OGN: variants seen among roughly 807,000 people sequenced by gnomAD.
The protein encoded by OGN is mimecan.
OGN carries 19 observed loss-of-function variants against 30.8 expected under a neutral mutation model. That is an observed-to-expected ratio of 0.62 (90% CI 0.43 to 0.90). The LOEUF is 0.90. Ranked by LOEUF, OGN falls within the 40% of genes least tolerant of loss-of-function variation. OGN has a pLI of 0.00. For missense variants in OGN, 283 were observed against 349.7 expected (o/e 0.81, Z 1.52); for synonymous variants, 126 against 128.3 (o/e 0.98, Z 0.12).
chr9:92,387,075 AGAAAT>A (rs1842460041), intron 5 of OGN, among the ~76,000 whole-genome samples: 1 of 148,720 alleles, frequency 6.7e-6, no homozygotes, highest in Admixed American at 6.7e-5. Context: ...AAAAAAAAAA[AGAAAT>A]GTGTGTGCTT....
At position 92,393,234 on chromosome 9, in the gene OGN, C is replaced by T. The variant is rs41278681; in HGVS notation, c.279G>A (p.Thr93=). 2.0e-4 allele frequency: 319 copies of T among 1,566,108 alleles called. No individual in the cohort carries two copies. Among genetic ancestry groups the T allele is most frequent in the Non-Finnish European group, 2.6e-4 (305 of 1,156,056 alleles). ...CACTTAAACAAACACACAGCAGACA[C>T]GTGGGCATTTCTAAATTGGGAATAA... ...PPKKENDEMP[T]CLLCVCLSGS... Residue 93 remains threonine, a synonymous_variant, in exon 4 of 7, where the codon ACG becomes ACA. Coordinates refer to ENST00000375561, the MANE Select transcript of OGN (RefSeq NM_014057.5).
chr9:92,394,646 C>G (rs995371465), intron 3 of OGN, among the ~76,000 whole-genome samples: 3 of 150,960 alleles, frequency 2.0e-5, no homozygotes, highest in African/African-American at 7.3e-5. Flanking sequence ...GCTTCGTCAC[C>G]CAGGTTGGAG....
At chr9:92,394,809 G>A (rs1413886545) in intron 3 of OGN, among the ~76,000 whole-genome samples, 1 of 151,740 alleles carries the variant, frequency 6.6e-6, no homozygotes, top group African/African-American at 2.4e-5. Context: ...GTTTCACCAT[G>A]TTGGCCAGGC....
At position 92,403,222 on chromosome 9, in the gene OGN, G is replaced by A; in HGVS notation, c.174+12C>T. 6.6e-7 allele frequency: 1 copy of A among 1,520,460 alleles called. No individual in the cohort carries two copies. Among genetic ancestry groups the A allele is most frequent in the East Asian group, 2.3e-5 (1 of 43,338 alleles). The allele number at this position is 1,520,460 out of a possible 1,614,324, so 94.2% of individuals were successfully genotyped here. On this transcript the variant is annotated intron_variant, in intron 2 of 6. Coordinates refer to ENST00000375561, the MANE Select transcript of OGN (RefSeq NM_014057.5). The stretch of plus-strand genomic sequence containing the variant: ...TATTTTAGAAGCTAAATTTAGAATA[G>A]AAATAAAGTACCTTAATATTTTTTC...
intron 2 of OGN, among the ~76,000 whole-genome samples, chr9:92,402,618 C>T (rs1314642271): frequency 1.3e-5 from 2 of 152,188 alleles, no homozygotes; most frequent in Non-Finnish European, 2.9e-5. Flanking sequence ...TAACGTCACC[C>T]TTGCAGTGTT....
At chr9:92,404,581 GA>G, upstream of OGN, 1 of 1,292,858 alleles carries the variant, frequency 7.7e-7, no homozygotes, top group Non-Finnish European at 1.0e-6. Flanking sequence ...GGGTGAATGA[GA>G]AAAGCTATGT....
At position 92,403,291 on chromosome 9, in the gene OGN, T is replaced by C; in HGVS notation, c.117A>G (p.Glu39=). 1 of 1,611,524 alleles carries C rather than the reference T, an allele frequency of 6.2e-7. No homozygotes were observed. The highest frequency in any genetic ancestry group is 8.5e-7 in the Non-Finnish European group (1 of 1,177,978). Residue 39 remains glutamate (E), a synonymous_variant, in exon 2 of 7, where the codon GAA becomes GAG. Coordinates refer to ENST00000375561, the MANE Select transcript of OGN (RefSeq NM_014057.5). ...CATAATCTTGGCTAAATATGGATTC[T>C]TCAAAATTATCTGTTCCATAATCAT... ...IIYDYGTDNF[E]ESIFSQDYED...
intron 5 of OGN, among the ~76,000 whole-genome samples, chr9:92,388,392 C>T (rs944693099): frequency 1.3e-5 from 2 of 151,934 alleles, no homozygotes; most frequent in East Asian, 3.9e-4. Context: ...GACCTCCTGA[C>T]CTCAAGTGAT....
rs755806011 is a variant in OGN at position 92,390,072 on chromosome 9, T to C, written c.428-16A>G. 2 of 1,427,880 alleles carry C rather than the reference T, an allele frequency of 1.4e-6. No individual in the cohort carries two copies. The highest frequency in any genetic ancestry group is 2.5e-5 in the South Asian group (2 of 81,592). The allele number at this position is 1,427,880 out of a possible 1,614,324, so 88.5% of individuals were successfully genotyped here. ...CTTAAGTTAGCTAGAGGGAAAAAAA[T>C]ATAAAAAACAACTACGTAAGTAAAA... On this transcript the variant is annotated splice_polypyrimidine_tract_variant and intron_variant, in intron 4 of 6. Transcript: ENST00000375561.
chr9:92,398,809 G>T (rs767780392), intron 3 of OGN, among the ~76,000 whole-genome samples: 1 of 152,070 alleles, frequency 6.6e-6, no homozygotes, highest in Non-Finnish European at 1.5e-5. Flanking sequence ...GGTGGCTCAC[G>T]CCTGTAATAC....
chr9:92,397,445 G>A (rs543079798), intron 3 of OGN, among the ~76,000 whole-genome samples: 29 of 152,228 alleles, frequency 1.9e-4, no homozygotes, highest in African/African-American at 5.8e-4. Flanking sequence ...TCCCACCTCA[G>A]CCTCCCGAGT....
Position 92,390,072 on chromosome 9 carries a change from T to A in OGN, c.428-16A>T, listed in dbSNP as rs755806011. 6.3e-6 allele frequency: 9 copies of A among 1,427,762 alleles called. No homozygotes were observed. Among genetic ancestry groups the A allele is most frequent in the African/African-American group, 1.4e-5 (1 of 69,834 alleles). The allele number at this position is 1,427,762 out of a possible 1,614,324, so 88.4% of individuals were successfully genotyped here. On this transcript the variant is annotated splice_polypyrimidine_tract_variant and intron_variant, in intron 4 of 6. Transcript: ENST00000375561. ...CTTAAGTTAGCTAGAGGGAAAAAAA[T>A]ATAAAAAACAACTACGTAAGTAAAA...
chr9:92,403,508 A>C (rs1196711614), intron 1 of OGN, 26 bp from the exon 2 acceptor site: 5 of 1,470,216 alleles, frequency 3.4e-6, no homozygotes, highest in Non-Finnish European at 4.5e-6. Flanking sequence ...CAGACCATCG[A>C]AGCAATATTT....
Position 92,390,938 on chromosome 9 carries a change from G to A in OGN, c.428-882C>T, listed in dbSNP as rs757543980. On this transcript the variant is annotated intron_variant, in intron 4 of 6. Transcript: ENST00000375561. ...CTTTTTGTGCTTGGGGATGTTAGAC[G>A]TCACTTCAGCACCATGTGTTGGGTC... 5.3e-5 allele frequency among the ~76,000 whole-genome samples: 8 copies of A among 152,178 alleles called. No homozygotes were observed. The East Asian group carries it at 5.8e-4, about 11-fold the overall frequency.
chr9:92,402,733 G>A (rs1246983046), intron 2 of OGN, among the ~76,000 whole-genome samples: 1 of 152,080 alleles, frequency 6.6e-6, no homozygotes, highest in Non-Finnish European at 1.5e-5. Context: ...TTCAGTTTTT[G>A]GTACTGTATG....
At chr9:92,391,676 A>G (rs748579300) in intron 4 of OGN, among the ~76,000 whole-genome samples, 11 of 152,188 alleles carry the variant, frequency 7.2e-5, no homozygotes, top group African/African-American at 9.6e-5. Context: ...TGTGAAAAAC[A>G]TGTCGTTAAA....
Position 92,401,138 on chromosome 9 carries a change from T to A in OGN, c.222A>T (p.Gln74His). The change falls in exon 3 of 7, where the codon CAA becomes CAT. Residue 74 changes from glutamine (Q) to histidine (H), a missense_variant. Coordinates refer to ENST00000375561, the MANE Select transcript of OGN (RefSeq NM_014057.5). Reference sequence around the variant, plus strand: ...GTAATGGTGTTATTGCCTCATCTTTTTGTAATTGAAGACTTTTCTCATTGG... The same window carrying A: ...GTAATGGTGTTATTGCCTCATCTTTATGTAATTGAAGACTTTTCTCATTGG... ...IIPNEKSLQL[Q>H]KDEAITPLPP... is the part of the protein sequence containing the mutation. The A allele has an allele frequency of 6.4e-7, 1 of 1,562,916 alleles. No individual in the cohort carries two copies. The highest frequency in any genetic ancestry group is 8.8e-7 in the Non-Finnish European group (1 of 1,134,918).
rs1842349017 is a variant in OGN, at chr9:92,384,493, T to C, written c.*1127A>G. The C allele has an allele frequency of 6.6e-6, 1 of 152,162 alleles. No homozygotes were observed. The highest frequency in any genetic ancestry group is 2.4e-5 in the African/African-American group (1 of 41,444). The allele number at this position is 152,162 out of a possible 1,614,324, so 9.4% of individuals were successfully genotyped here. Reference sequence around the variant, plus strand: ...GTAATGTGTAGTCTAATACTTTTAGTGGGGTACAAGTGAGAGGAATGTTAT... The same window carrying C: ...GTAATGTGTAGTCTAATACTTTTAGCGGGGTACAAGTGAGAGGAATGTTAT... On this transcript the variant is annotated 3_prime_UTR_variant, in exon 7 of 7. Transcript: ENST00000375561.
upstream of OGN, chr9:92,404,580 A>G (rs1262238696): frequency 2.3e-6 from 3 of 1,293,796 alleles, no homozygotes; most frequent in South Asian, 3.9e-5. Flanking sequence ...AGGGTGAATG[A>G]GAAAAGCTAT....
Sources: gnomAD v4.1 joint callset for allele counts (sites outside exome capture counted in the v4.1 genomes callset) on GRCh38, gnomAD v4.1.1 for gene constraint, MANE v1.5 for transcripts, NCBI Gene and HGNC (gene_info 2026-07-23, HGNC 2026-07-21) for gene names.